Variants in PRIM2 observed in about 807,000 individuals in gnomAD.
PRIM2 encodes the protein DNA primase subunit 2, also known as DNA primase large subunit.
A neutral mutation model predicts 67.3 loss-of-function variants in PRIM2; 39 were observed. The observed-to-expected ratio is 0.58, with a 90% CI of 0.45 to 0.76. The LOEUF is 0.76. PRIM2 is among the 30% of genes least tolerant of loss of function. PRIM2 has a pLI of 0.00. For missense variants in PRIM2, 398 were observed against 598.7 expected, an observed-to-expected ratio of 0.66 and a Z score of 3.50; for synonymous variants, 143 against 198.7, an observed-to-expected ratio of 0.72 and a Z score of 2.36.
the PRIM2 span, among the ~76,000 whole-genome samples, chr6:57,234,085 T>G: frequency 0.028 from 4,316 of 152,288 alleles, 205 homozygotes; most frequent in African/African-American, 0.096. Context: ...ATTTGAAGGA[T>G]AGACTAAATT....
intron 7 of PRIM2, among the ~76,000 whole-genome samples, chr6:57,479,485 A>C (rs1474943885): frequency 1.3e-5 from 2 of 152,160 alleles, no homozygotes; most frequent in South Asian, 2.1e-4. Flanking sequence ...CTGAGAGAGA[A>C]CTAATTATTT....
chr6:57,430,363 A>G (rs1356596357), intron 7 of PRIM2, among the ~76,000 whole-genome samples: 1 of 151,856 alleles, frequency 6.6e-6, no homozygotes, highest in African/African-American at 2.4e-5. Context: ...AAGACATTGG[A>G]TTAAAGGTTG....
intron 7 of PRIM2, among the ~76,000 whole-genome samples, chr6:57,452,816 T>A (rs1379634271): frequency 6.6e-6 from 1 of 152,254 alleles, no homozygotes; most frequent in Non-Finnish European, 1.5e-5. Flanking sequence ...AATTTTGGCT[T>A]CTGTTGCCAT....
intron 7 of PRIM2, among the ~76,000 whole-genome samples, chr6:57,400,272 C>A (rs2127354793): frequency 6.6e-6 from 1 of 152,320 alleles, no homozygotes; most frequent in South Asian, 2.1e-4. Flanking sequence ...ATGCTCCTTT[C>A]AAGATCTCTT....
chr6:57,373,122 C>T (rs535088977), intron 5 of PRIM2, among the ~76,000 whole-genome samples: 1 of 152,178 alleles, frequency 6.6e-6, no homozygotes, highest in South Asian at 2.1e-4. Flanking sequence ...TTGCCAGCAT[C>T]TGTTGTTTTT....
chr6:57,434,561 G>C (rs1049488383), intron 7 of PRIM2, among the ~76,000 whole-genome samples: 11 of 152,106 alleles, frequency 7.2e-5, no homozygotes, highest in African/African-American at 2.7e-4. Context: ...CGTTTCTGAA[G>C]TAACATGGAA....
At chr6:57,610,428 C>A (rs1367814968) in intron 12 of PRIM2, among the ~76,000 whole-genome samples, 1 of 152,162 alleles carries the variant, frequency 6.6e-6, no homozygotes, top group African/African-American at 2.4e-5. Context: ...CATTGTGACT[C>A]AGCTGGTGTT....
chr6:57,603,423 C>A (rs2127492145), intron 11 of PRIM2, among the ~76,000 whole-genome samples: 1 of 146,488 alleles, frequency 6.8e-6, no homozygotes, highest in Non-Finnish European at 1.5e-5. Flanking sequence ...TATTCCGACA[C>A]ATTTATTGAA....
At chr6:57,323,754 C>T (rs576278135) in intron 3 of PRIM2, among the ~76,000 whole-genome samples, 2 of 150,732 alleles carry the variant, frequency 1.3e-5, no homozygotes, top group African/African-American at 2.4e-5. Context: ...GCACATTCTG[C>T]ACATGTATCC....
At chr6:57,467,118 A>AAG (rs1382150291) in intron 7 of PRIM2, among the ~76,000 whole-genome samples, 16 of 150,110 alleles carry the variant, frequency 1.1e-4, no homozygotes, top group African/African-American at 3.9e-4. Context: ...AAAAAAAAAA[A>AAG]AAGAAAAGAA....
At position 57,606,373 on chromosome 6, in the gene PRIM2, A is replaced by C. The variant is rs1264401610; in HGVS notation, c.1148-2A>C. 1 of 1,591,276 alleles carries C rather than the reference A, an allele frequency of 6.3e-7. No homozygotes were observed. Among genetic ancestry groups the C allele is most frequent in the Non-Finnish European group, 8.6e-7 (1 of 1,166,544 alleles). ...GTGTGCTGGCTTATTTTTTGTTGTC[A>C]GGGTGCCCATTCCGTCACAGTGATC... On this transcript the variant is annotated splice_acceptor_variant, in intron 11 of 13. Coordinates refer to ENST00000615550, the MANE Select transcript of PRIM2 (RefSeq NM_000947.5). LOFTEE classifies it high-confidence loss of function.
At chr6:57,583,103 C>T (rs1330502242) in intron 10 of PRIM2, among the ~76,000 whole-genome samples, 2 of 150,272 alleles carry the variant, frequency 1.3e-5, no homozygotes, top group Non-Finnish European at 3.0e-5. Flanking sequence ...CATGTCCCTA[C>T]AAAGGACATG....
chr6:57,603,544 C>A (rs1348160325), intron 11 of PRIM2, among the ~76,000 whole-genome samples: 1 of 151,848 alleles, frequency 6.6e-6, no homozygotes, highest in Non-Finnish European at 1.5e-5. Flanking sequence ...GTCTATGTGT[C>A]GGTTTTTGTA....
chr6:57,313,635 T>C (rs567944818), upstream of PRIM2, among the ~76,000 whole-genome samples: 2 of 152,234 alleles, frequency 1.3e-5, no homozygotes, highest in Admixed American at 1.3e-4. Flanking sequence ...AGGTAGGCAG[T>C]GAAATGGGGA....
At chr6:57,249,074 T>A in the PRIM2 span, among the ~76,000 whole-genome samples, 2 of 152,212 alleles carry the variant, frequency 1.3e-5, no homozygotes, top group Non-Finnish European at 2.9e-5. Context: ...CTTTGAACCA[T>A]GATCACAGGA....
At chr6:57,607,602 A>G (rs1477839640) in intron 12 of PRIM2, among the ~76,000 whole-genome samples, 1 of 152,172 alleles carries the variant, frequency 6.6e-6, no homozygotes, top group Admixed American at 6.5e-5. Context: ...ACCAATACAT[A>G]AATACTAATA....
chr6:57,352,532 C>A (rs2127301908), intron 5 of PRIM2, among the ~76,000 whole-genome samples: 2 of 152,290 alleles, frequency 1.3e-5, no homozygotes, highest in Admixed American at 1.3e-4. Context: ...AGCCACCACG[C>A]CCGGCCTATT....
intron 11 of PRIM2, among the ~76,000 whole-genome samples, chr6:57,601,835 A>G (rs1462811719): frequency 6.6e-6 from 1 of 152,176 alleles, no homozygotes; most frequent in Non-Finnish European, 1.5e-5. Context: ...TTACTACAGT[A>G]TGTGTCAAAA....
the PRIM2 span, among the ~76,000 whole-genome samples, chr6:57,304,870 T>C: frequency 6.6e-6 from 1 of 152,188 alleles, no homozygotes; most frequent in African/African-American, 2.4e-5. Context: ...ATGTTCCCTA[T>C]AGAAACATAA....
Sources: gnomAD v4.1 joint callset for allele counts (sites outside exome capture counted in the v4.1 genomes callset) on GRCh38, gnomAD v4.1.1 for gene constraint, MANE v1.5 for transcripts, NCBI Gene and HGNC (gene_info 2026-07-23, HGNC 2026-07-21) for gene names.